The following METTL8 variants were observed in gnomAD, a reference collection of about 807,000 sequenced individuals.
The protein encoded by METTL8 is tRNA N(3)-cytidine methyltransferase METTL8, mitochondrial.
In METTL8, 32 loss-of-function variants were observed where a neutral mutation model predicts 48.7. The ratio of observed to expected loss-of-function variants is 0.66; its 90% CI spans 0.50 to 0.88. The LOEUF (loss-of-function observed/expected upper bound fraction) is 0.88. Ranked by LOEUF, METTL8 falls within the 40% of genes least tolerant of loss-of-function variation. The probability of loss-of-function intolerance (pLI) is 0.00; values close to 1 mark genes in which losing one functional copy is unlikely to be tolerated. For synonymous variants in METTL8, 136 were observed against 157.1 expected (o/e 0.87, Z 1.01); for missense variants, 464 against 474.4 (o/e 0.98, Z 0.20).
intron 2 of METTL8, among the ~76,000 whole-genome samples, chr2:171,368,643 G>A (rs1291288003): frequency 6.6e-6 from 1 of 151,474 alleles, no homozygotes; most frequent in Non-Finnish European, 1.5e-5. Context: ...ACATCAAACA[G>A]GGAACCAATA....
chr2:171,369,087 C>T (rs1335610822), intron 2 of METTL8, among the ~76,000 whole-genome samples: 3 of 152,040 alleles, frequency 2.0e-5, no homozygotes, highest in Non-Finnish European at 2.9e-5. Context: ...AGGCGGATCA[C>T]GAGGTCAGGA....
Position 171,319,116 on chromosome 2 carries a change from ACTGT to A in METTL8, c.*5052_*5055del, listed in dbSNP as rs1684402100. On this transcript the variant is annotated 3_prime_UTR_variant, in exon 10 of 10. Transcript: ENST00000375258. ...GCAACACTTTTTTCCATGGAAAGAT[ACTGT>A]CTTTCTTACAATGTCTCATAAAACC... The A allele has an allele frequency of 1.3e-5, 2 of 152,172 alleles. No homozygotes were observed. Among genetic ancestry groups the A allele is most frequent in the African/African-American group, 4.8e-5 (2 of 41,434 alleles). The allele number at this position is 152,172 out of a possible 1,614,324, so 9.4% of individuals were successfully genotyped here.
chr2:171,422,522 T>C (rs115443611), intron 1 of METTL8, among the ~76,000 whole-genome samples: 3,752 of 152,296 alleles, frequency 0.025, 71 homozygotes, highest in Non-Finnish European at 0.039. Context: ...TTATATAGTA[T>C]CAAATAAGCC....
intron 1 of METTL8, chr2:171,433,131 G>T (rs1258108800): frequency 6.6e-6 from 1 of 152,252 alleles, no homozygotes; most frequent in African/African-American, 2.4e-5. Context: ...ATCGCAGGGA[G>T]CACTCACACT....
At position 171,360,424 on chromosome 2, in the gene METTL8, T is replaced by C; in HGVS notation, c.233A>G (p.Gln78Arg). 6.2e-7 allele frequency: 1 copy of C among 1,613,716 alleles called. No individual in the cohort carries two copies. The change falls in exon 3 of 10, where the codon CAA becomes CGA. Residue 78 changes from glutamine to arginine, a missense_variant and splice_region_variant. Coordinates refer to ENST00000375258, the MANE Select transcript of METTL8 (RefSeq NM_001321154.2). ...NSAVRVLLEE[Q>R]VKYEREASKY... is the part of the protein sequence containing the mutation. ...AGCTACAGCACGCAGTTGACTACCT[T>C]GCTCTTCCAGAAGGACTCGCACAGC... is the stretch of plus-strand genomic sequence containing the variant.
intron 1 of METTL8, among the ~76,000 whole-genome samples, chr2:171,393,014 G>T (rs1044944906): frequency 1.3e-5 from 2 of 151,994 alleles, no homozygotes; most frequent in African/African-American, 2.4e-5. Context: ...TGAGGCAAGA[G>T]AATCGCTTGA....
intron 1 of METTL8, among the ~76,000 whole-genome samples, chr2:171,416,930 G>A (rs1283737395): frequency 3.3e-5 from 5 of 152,164 alleles, no homozygotes; most frequent in East Asian, 1.9e-4. Context: ...GTAAAAGACC[G>A]GAAATACATG....
chr2:171,399,170 G>T (rs1334896604), intron 1 of METTL8, among the ~76,000 whole-genome samples: 1 of 152,114 alleles, frequency 6.6e-6, no homozygotes, highest in Non-Finnish European at 1.5e-5. Context: ...TTAGGGCCAT[G>T]CCCCTATGAG....
chr2:171,387,562 T>A (rs554348021), intron 2 of METTL8, among the ~76,000 whole-genome samples: 53 of 151,368 alleles, frequency 3.5e-4, no homozygotes, highest in East Asian at 1.2e-3. Flanking sequence ...AATTTTTTTT[T>A]AAATATATAT....
intron 3 of METTL8, among the ~76,000 whole-genome samples, chr2:171,355,671 G>A (rs1349587032): frequency 2.6e-5 from 4 of 152,222 alleles, no homozygotes; most frequent in Admixed American, 2.0e-4. Flanking sequence ...GCAATGGCAG[G>A]CGCCCCTCCC....
At chr2:171,414,265 A>G (rs1691054121) in intron 1 of METTL8, among the ~76,000 whole-genome samples, 1 of 152,096 alleles carries the variant, frequency 6.6e-6, no homozygotes, top group Admixed American at 6.5e-5. Context: ...TAAAAATACG[A>G]AATTAGCTGG....
In METTL8 at chr2:171,349,276, G is replaced by T. The variant is rs188015839; in HGVS notation, c.236-9722C>A. Among the ~76,000 whole-genome samples the T allele has an allele frequency of 2.1e-3, 320 of 152,176 alleles. 3 individuals are homozygous for T. The highest frequency in any genetic ancestry group is 7.1e-3 in the African/African-American group (296 of 41,558). On this transcript the variant is annotated intron_variant, in intron 3 of 9. Coordinates refer to ENST00000375258, the MANE Select transcript of METTL8 (RefSeq NM_001321154.2). ...TAAATGATGAGCTAAAAACAATTAT[G>T]TTAGAACAGTAGGATTAAGAGGCAA...
At chr2:171,378,651 TA>T (rs1559140242) in intron 2 of METTL8, among the ~76,000 whole-genome samples, 1 of 150,874 alleles carries the variant, frequency 6.6e-6, no homozygotes, top group Non-Finnish European at 1.5e-5. Flanking sequence ...AATAAAAAAA[TA>T]AAAAAAGAAG....
Position 171,320,447 on chromosome 2 carries a change from C to T in METTL8, c.*3725G>A, listed in dbSNP as rs997018349. 5.3e-5 allele frequency: 8 copies of T among 152,158 alleles called. No homozygotes were observed. Among genetic ancestry groups the T allele is most frequent in the Non-Finnish European group, 1.2e-4 (8 of 68,020 alleles). 9.4% of individuals were successfully genotyped at this position (152,158 alleles called of 1,614,324 possible). A position where few individuals can be genotyped will look rare whatever the true frequency, so the allele number is the denominator to read the frequency against. ...GCCAGTCAAGAGGCTGGCTTGAATC[C>T]GCTATTTAGAACTGAGAGAGACAGT... On this transcript the variant is annotated 3_prime_UTR_variant, in exon 10 of 10. Transcript: ENST00000375258.
intron 2 of METTL8, among the ~76,000 whole-genome samples, chr2:171,379,458 AT>A (rs2105524675): frequency 6.6e-6 from 1 of 151,718 alleles, no homozygotes; most frequent in African/African-American, 2.4e-5. Flanking sequence ...AAAAAAAAAA[AT>A]CAATGAATCC....
chr2:171,415,130 C>T (rs1172178382), intron 1 of METTL8, among the ~76,000 whole-genome samples: 1 of 151,734 alleles, frequency 6.6e-6, no homozygotes, highest in Non-Finnish European at 1.5e-5. Flanking sequence ...TGAAAATGAA[C>T]TAACATGGTA....
chr2:171,409,571 C>T (rs528301710), intron 1 of METTL8, among the ~76,000 whole-genome samples: 1 of 152,218 alleles, frequency 6.6e-6, no homozygotes, highest in African/African-American at 2.4e-5. Flanking sequence ...TTTCCTTTCT[C>T]CCCCACTGAA....
At chr2:171,403,594 A>G (rs1689851327) in intron 1 of METTL8, among the ~76,000 whole-genome samples, 1 of 152,132 alleles carries the variant, frequency 6.6e-6, no homozygotes, top group Non-Finnish European at 1.5e-5. Flanking sequence ...TTAGTTAACA[A>G]TAATGTATCA....
chr2:171,335,650 C>G (rs901266946), intron 5 of METTL8, among the ~76,000 whole-genome samples: 1 of 152,118 alleles, frequency 6.6e-6, no homozygotes, highest in African/African-American at 2.4e-5. Context: ...GTCTCAAACT[C>G]CTGACCTCAA....
Sources: gnomAD v4.1 joint callset for allele counts (sites outside exome capture counted in the v4.1 genomes callset) on GRCh38, gnomAD v4.1.1 for gene constraint, MANE v1.5 for transcripts, NCBI Gene and HGNC (gene_info 2026-07-23, HGNC 2026-07-21) for gene names.